Variants in SNRK observed in about 807,000 individuals in gnomAD.
SNRK encodes the protein SNF related kinase.
In SNRK, 3 loss-of-function variants were observed where a neutral mutation model predicts 48.2. The ratio of observed to expected loss-of-function variants is 0.06; its 90% CI spans 0.03 to 0.16. The LOEUF is 0.16. Among genes scored for constraint, SNRK ranks in the 10% least tolerant of loss-of-function variants. The pLI is 1.00. For synonymous variants in SNRK, 376 were observed against 366.1 expected (o/e 1.03, Z -0.31); for missense variants, 627 against 976.0 (o/e 0.64, Z 4.76).
chr3:43,302,294 A>G (rs777066675), intron 2 of SNRK, among the ~76,000 whole-genome samples: 3 of 152,220 alleles, frequency 2.0e-5, no homozygotes, highest in Non-Finnish European at 2.9e-5. Flanking sequence ...TTAAGCACCT[A>G]CTATGTGCCA....
intron 1 of SNRK, among the ~76,000 whole-genome samples, chr3:43,299,148 A>G (rs1003041254): frequency 1.3e-5 from 2 of 152,148 alleles, no homozygotes; most frequent in African/African-American, 4.8e-5. Flanking sequence ...TGCAAGAGGC[A>G]TTTTAAAAAT....
At chr3:43,313,920 G>C (rs2090996729) in intron 3 of SNRK, among the ~76,000 whole-genome samples, 1 of 152,182 alleles carries the variant, frequency 6.6e-6, no homozygotes, top group African/African-American at 2.4e-5. Flanking sequence ...CCCAGTGTGA[G>C]TGTTTCTGGC....
In SNRK at chr3:43,347,641, T is replaced by C; in HGVS notation, c.1382T>C (p.Leu461Pro). ...EDEEDKKPMS[L>P]STQVVLRRKP... The stretch of plus-strand genomic sequence containing the variant: ...GAGGAGGACAAGAAACCCATGTCCC[T>C]CTCAACACAAGTGGTTTTGCGCCGG... The change falls in exon 7 of 7, where the codon CTC (leucine) becomes CCC (proline). Residue 461 changes from leucine to proline, a missense_variant. Coordinates refer to ENST00000296088, the MANE Select transcript of SNRK (RefSeq NM_017719.5). This position sits in a 1 kb window ranked among gnomAD's most constrained non-coding sequence, Gnocchi z 5.4. 6.2e-7 allele frequency: 1 copy of C among 1,613,758 alleles called. No homozygotes were observed. The highest frequency in any genetic ancestry group is 8.5e-7 in the Non-Finnish European group (1 of 1,180,020).
chr3:43,311,964 T>A (rs1445417701), intron 3 of SNRK, among the ~76,000 whole-genome samples: 1 of 152,184 alleles, frequency 6.6e-6, no homozygotes, highest in African/African-American at 2.4e-5. Flanking sequence ...TCAATAGTTG[T>A]AAAACCCTGA....
At chr3:43,337,845 C>T (rs2091203187) in intron 4 of SNRK, among the ~76,000 whole-genome samples, 1 of 152,142 alleles carries the variant, frequency 6.6e-6, no homozygotes, top group South Asian at 2.1e-4. Context: ...GATTCATTTA[C>T]CTCCACCTGG....
intron 3 of SNRK, among the ~76,000 whole-genome samples, chr3:43,320,205 A>G (rs763017612): frequency 2.6e-5 from 4 of 152,146 alleles, no homozygotes; most frequent in Non-Finnish European, 4.4e-5. Flanking sequence ...GTAATGGAAA[A>G]TTGGAGGTAA....
At position 43,294,980 on chromosome 3, in the gene SNRK, A is replaced by C. The variant is rs1421990620; in HGVS notation, c.-168-4774A>C. Reference sequence around the variant, plus strand: ...ATTTCTATACACCCAGCTTTTGTTTAAGTCATTACTTATTATGTGAACACT... The same window carrying C: ...ATTTCTATACACCCAGCTTTTGTTTCAGTCATTACTTATTATGTGAACACT... On this transcript the variant is annotated intron_variant, in intron 1 of 6. Transcript: ENST00000296088. 1.5e-4 allele frequency among the ~76,000 whole-genome samples: 23 copies of C among 152,162 alleles called. 1 individual carries two copies. The highest frequency in any genetic ancestry group is 1.5e-3 in the Admixed American group (23 of 15,280).
At position 43,338,610 on chromosome 3, in the gene SNRK, C is replaced by T. The variant is rs548768998; in HGVS notation, c.732-1677C>T. ...TTCTCAGCCATTATCTTTTCAAATA[C>T]AGTTTCTTCCTCATTTTCTCATTTC... On this transcript the variant is annotated intron_variant, in intron 4 of 6. Transcript: ENST00000296088. 1.1e-4 allele frequency among the ~76,000 whole-genome samples: 16 copies of T among 152,278 alleles called. 1 individual carries two copies. In the East Asian group the frequency reaches 3.1e-3, roughly 29 times the overall value.
At chr3:43,341,350 A>C (rs2091235738) in intron 5 of SNRK, among the ~76,000 whole-genome samples, 1 of 152,026 alleles carries the variant, frequency 6.6e-6, no homozygotes, top group South Asian at 2.1e-4. Flanking sequence ...ACGGAGTTTC[A>C]CTGTGTTAGC....
In SNRK at chr3:43,347,853, CAG is replaced by C. The variant is rs2091289317; in HGVS notation, c.1595_1596del (p.Gln532ArgfsTer8). 1.2e-6 allele frequency: 2 copies of C among 1,614,054 alleles called. No homozygotes were observed. Among genetic ancestry groups the C allele is most frequent in the Non-Finnish European group, 1.7e-6 (2 of 1,180,052 alleles). On this transcript the variant is annotated frameshift_variant, in exon 7 of 7. Coordinates refer to ENST00000296088, the MANE Select transcript of SNRK (RefSeq NM_017719.5). LOFTEE classifies it high-confidence loss of function. The surrounding 1 kb of genome is among the most constrained non-coding windows in gnomAD (Gnocchi z 5.4). ...CAAACGCTACCACCGGAGGAAAAGT[CAG>C]GGCCGGGGCTCCAGCTGCAGTAGTT... is the stretch of plus-strand genomic sequence containing the variant. ...VHKRYHRRKS[Q>X]GRGSSCSSSE...
intron 2 of SNRK, among the ~76,000 whole-genome samples, chr3:43,302,225 CATTT>C (rs1559460151): frequency 6.6e-6 from 1 of 152,136 alleles, no homozygotes. Context: ...CCCCTCAAAA[CATTT>C]ATATAAATTC....
At chr3:43,339,361 T>A (rs986853766) in intron 4 of SNRK, among the ~76,000 whole-genome samples, 2 of 152,180 alleles carry the variant, frequency 1.3e-5, no homozygotes, top group Non-Finnish European at 2.9e-5. Context: ...TTATATTCTG[T>A]TATATGCACC....
At position 43,350,609 on chromosome 3, in the gene SNRK, A is replaced by G. The variant is rs1559474463; in HGVS notation, c.*2052A>G. 6.6e-6 allele frequency: 1 copy of G among 152,548 alleles called. No homozygotes were observed. The highest frequency in any genetic ancestry group is 1.5e-5 in the Non-Finnish European group (1 of 68,030). The allele number at this position is 152,548 out of a possible 1,614,324, so 9.4% of individuals were successfully genotyped here. The stretch of plus-strand genomic sequence containing the variant: ...GTGTGGTTGACCCTTGGGGTATACA[A>G]ATGTCAGTCTGAGTGGTGTCTTACT... On this transcript the variant is annotated 3_prime_UTR_variant, in exon 7 of 7. Transcript: ENST00000296088.
At chr3:43,310,362 C>CT (rs1228092146) in intron 3 of SNRK, among the ~76,000 whole-genome samples, 1 of 152,090 alleles carries the variant, frequency 6.6e-6, no homozygotes, top group Non-Finnish European at 1.5e-5. Flanking sequence ...TGGCGTCCAC[C>CT]TTTAATGTCT....
chr3:43,308,284 A>G (rs2090953659), intron 3 of SNRK, among the ~76,000 whole-genome samples: 1 of 152,222 alleles, frequency 6.6e-6, no homozygotes, highest in African/African-American at 2.4e-5. Context: ...AGCTAAGATA[A>G]TTGATGAAGC....
At chr3:43,288,999 T>C (rs542152580) in intron 1 of SNRK, among the ~76,000 whole-genome samples, 1 of 152,180 alleles carries the variant, frequency 6.6e-6, no homozygotes, top group African/African-American at 2.4e-5. Flanking sequence ...TGTTTGTGTG[T>C]CTCTTTTGGT....
rs544227037 is a variant in SNRK at position 43,294,374 on chromosome 3, C to T, written c.-168-5380C>T. Among the ~76,000 whole-genome samples the T allele has an allele frequency of 2.4e-4, 36 of 152,188 alleles. No individual in the cohort carries two copies. The East Asian group carries it at 4.0e-3, about 17-fold the overall frequency. On this transcript the variant is annotated intron_variant, in intron 1 of 6. Coordinates refer to ENST00000296088, the MANE Select transcript of SNRK (RefSeq NM_017719.5). The stretch of plus-strand genomic sequence containing the variant: ...AAATTAATTTCTGTTTCATTTATAC[C>T]TATACATATATGCTAAAGGTAATTT...
At chr3:43,338,138 A>G (rs367718572) in intron 4 of SNRK, among the ~76,000 whole-genome samples, 1 of 152,354 alleles carries the variant, frequency 6.6e-6, no homozygotes, top group South Asian at 2.1e-4. Context: ...GCCACAAAGT[A>G]GATATGATTA....
chr3:43,322,346 A>C (rs1238193077), intron 3 of SNRK, among the ~76,000 whole-genome samples: 1 of 152,262 alleles, frequency 6.6e-6, no homozygotes, highest in Non-Finnish European at 1.5e-5. Flanking sequence ...TATTCATATG[A>C]TCTTGACCTT....
Sources: gnomAD v4.1 joint callset for allele counts (sites outside exome capture counted in the v4.1 genomes callset) on GRCh38, gnomAD v4.1.1 for gene constraint, Gnocchi (gnomAD v3.1) non-coding constraint, MANE v1.5 for transcripts, NCBI Gene and HGNC (gene_info 2026-07-23, HGNC 2026-07-21) for gene names.